Variants in ETF1 observed in about 807,000 individuals in gnomAD.
ETF1 encodes the protein eukaryotic translation termination factor 1, also known as eukaryotic peptide chain release factor subunit 1.
In ETF1, 4 loss-of-function variants were observed where a neutral mutation model predicts 55.1. The observed-to-expected ratio is 0.07, with a 90% CI of 0.04 to 0.17. The LOEUF is 0.17. Ranked by LOEUF, ETF1 falls within the 10% of genes least tolerant of loss-of-function variation. The pLI, the probability that ETF1 is intolerant of heterozygous loss-of-function variation, is 1.00. For synonymous variants in ETF1, 157 were observed against 182.3 expected (o/e 0.86, Z 1.12); for missense variants, 142 against 523.6 (o/e 0.27, Z 7.11).
chr5:138,523,130 G>A (rs963410114), intron 2 of ETF1, among the ~76,000 whole-genome samples: 18 of 151,848 alleles, frequency 1.2e-4, no homozygotes, highest in Non-Finnish European at 2.4e-4. Context: ...GCATTTCGGG[G>A]GGCCAAGGTG....
intron 2 of ETF1, among the ~76,000 whole-genome samples, chr5:138,532,215 A>AT (rs1765731697): frequency 6.6e-6 from 1 of 152,020 alleles, no homozygotes; most frequent in Admixed American, 6.6e-5. Flanking sequence ...TGTGTTTTCC[A>AT]TTTTTCTTCT....
In ETF1 at chr5:138,513,318, G is replaced by A. The variant is rs138110749; in HGVS notation, c.541+250C>T. 2.0e-3 allele frequency: 1,118 copies of A among 554,128 alleles called. 19 individuals are homozygous for A. In the African/African-American group the frequency reaches 0.02, roughly 10 times the overall value. 34.3% of individuals were successfully genotyped at this position (554,128 alleles called of 1,614,324 possible). A position where few individuals can be genotyped will look rare whatever the true frequency, so the allele number is the denominator to read the frequency against. On this transcript the variant is annotated intron_variant, in intron 5 of 10. Transcript: ENST00000360541. ...GCAATCTTGGCTCAATGCAACCTCC[G>A]TCTCCCGGGTTCAAGCAATTCTCCT...
At chr5:138,515,460 T>C (rs1764980196) in intron 4 of ETF1, among the ~76,000 whole-genome samples, 1 of 152,080 alleles carries the variant, frequency 6.6e-6, no homozygotes, top group Non-Finnish European at 1.5e-5. Flanking sequence ...AAGACATGAA[T>C]ATGAATATTG....
At position 138,540,045 on chromosome 5, in the gene ETF1, T is replaced by C. The variant is rs190784816; in HGVS notation, c.86+2788A>G. Among the ~76,000 whole-genome samples the C allele has an allele frequency of 3.8e-4, 58 of 152,340 alleles. 1 individual carries two copies. Among genetic ancestry groups the C allele is most frequent in the African/African-American group, 1.4e-3 (57 of 41,586 alleles). Reference sequence around the variant, plus strand: ...CAACATACTTCCCTTTATTCAGATGTAGTTAGTGAGCCCATTTTGCAGGTG... The same window carrying C: ...CAACATACTTCCCTTTATTCAGATGCAGTTAGTGAGCCCATTTTGCAGGTG... On this transcript the variant is annotated intron_variant, in intron 2 of 10. Transcript: ENST00000360541.
chr5:138,542,958 C>G, intron 1 of ETF1, 22 bp from the exon 2 acceptor site: 1 of 1,608,986 alleles, frequency 6.2e-7, no homozygotes, highest in Non-Finnish European at 8.5e-7. Flanking sequence ...CGGCGGGGCC[C>G]GGAGACACCA....
chr5:138,529,856 T>C (rs1765623121), intron 2 of ETF1: 1 of 235,818 alleles, frequency 4.2e-6, no homozygotes, highest in African/African-American at 2.3e-5. Context: ...TGGGTTCAAG[T>C]GATCCTCCCA....
rs1489964914 is a variant in ETF1, at chr5:138,543,228, G to A, written c.-150C>T. ...ATGTGTTGCAATCCGCTCACATGGGGCCTGTGACATCACTTCCTCCGCCAG... is the reference window on the plus strand; with the variant it reads ...ATGTGTTGCAATCCGCTCACATGGGACCTGTGACATCACTTCCTCCGCCAG... On this transcript the variant is annotated 5_prime_UTR_variant, in exon 1 of 11. Coordinates refer to ENST00000360541, the MANE Select transcript of ETF1 (RefSeq NM_004730.4). 2.3e-6 allele frequency: 1 copy of A among 441,856 alleles called. No homozygotes were observed. The highest frequency in any genetic ancestry group is 4.0e-6 in the Non-Finnish European group (1 of 248,596). 27.4% of individuals were successfully genotyped at this position (441,856 alleles called of 1,614,324 possible).
chr5:138,522,803 G>A (rs13165802), intron 2 of ETF1, among the ~76,000 whole-genome samples: 66,347 of 151,818 alleles, frequency 0.44, 16,186 homozygotes, highest in Non-Finnish European at 0.53. Flanking sequence ...TCAGGAGATC[G>A]AGATCATCCT....
At chr5:138,511,288 A>G (rs1764764886) in intron 7 of ETF1, 88 bp from the exon 8 acceptor site, 2 of 1,548,748 alleles carry the variant, frequency 1.3e-6, no homozygotes, top group African/African-American at 2.8e-5. Flanking sequence ...ACTAAAGAAG[A>G]TAAAAAATAA....
chr5:138,512,246 ATATATATATATATTTTTTT>A lies in ETF1; in HGVS notation c.732+499_732+517del, dbSNP rs1184867201. Among the ~76,000 whole-genome samples the A allele has an allele frequency of 4.3e-4, 4 of 9,318 alleles. 1 individual carries two copies. The highest frequency in any genetic ancestry group is 0.012 in the East Asian group (2 of 170). 6.1% of individuals were successfully genotyped at this position (9,318 alleles called of 152,430 possible). On this transcript the variant is annotated intron_variant, in intron 6 of 10. Coordinates refer to ENST00000360541, the MANE Select transcript of ETF1 (RefSeq NM_004730.4). ...AAAAAATATATATATATATATATATATATATATATATATTTTTTTTTTTTTTTAAAGGCAATTTCTTTGG... is the reference window on the plus strand; with the variant it reads ...AAAAAATATATATATATATATATATATTTTTTTTAAAGGCAATTTCTTTGG...
In ETF1 at chr5:138,506,531, C is replaced by T. The variant is rs562353443; in HGVS notation, c.*1774G>A. 2.6e-4 allele frequency: 39 copies of T among 152,656 alleles called. No homozygotes were observed. Among genetic ancestry groups the T allele is most frequent in the Non-Finnish European group, 4.4e-4 (30 of 68,042 alleles). 9.5% of individuals were successfully genotyped at this position (152,656 alleles called of 1,614,324 possible). ...CTGCTGTGAAGAGAGCATGTTTGCT[C>T]GCTCTTGGGTGTTCTGCAAACAAAT... On this transcript the variant is annotated 3_prime_UTR_variant, in exon 11 of 11. Transcript: ENST00000360541.
chr5:138,542,501 C>A (rs1014015878), intron 2 of ETF1: 1 of 600,658 alleles, frequency 1.7e-6, no homozygotes, highest in African/African-American at 2.0e-5. Context: ...CAATAGCACC[C>A]GAGTCGGGTG....
At chr5:138,514,425 C>T (rs1764933287) in intron 4 of ETF1, among the ~76,000 whole-genome samples, 1 of 152,090 alleles carries the variant, frequency 6.6e-6, no homozygotes, top group Non-Finnish European at 1.5e-5. Context: ...TGTGGTGACA[C>T]GTGCCTGTAG....
Position 138,531,413 on chromosome 5 carries a change from C to A in ETF1, c.86+11420G>T, listed in dbSNP as rs368292322. 4.6e-5 allele frequency among the ~76,000 whole-genome samples: 7 copies of A among 152,192 alleles called. No homozygotes were observed. The South Asian group carries it at 1.0e-3, about 23-fold the overall frequency. ...CAGCACAAAAACAAAAATCAAAAAA[C>A]CCCCAAAACCTAAGACAACCTAGCT... On this transcript the variant is annotated intron_variant, in intron 2 of 10. Coordinates refer to ENST00000360541, the MANE Select transcript of ETF1 (RefSeq NM_004730.4).
At chr5:138,510,775 T>C (rs1356146793) in intron 8 of ETF1, 146 bp from the exon 9 acceptor site, 7 of 1,203,718 alleles carry the variant, frequency 5.8e-6, no homozygotes, top group African/African-American at 1.5e-5. Context: ...ATACACTGAG[T>C]GTCTACTAGG....
chr5:138,508,586 C>T, intron 10 of ETF1, 83 bp downstream of exon 10: 1 of 1,576,958 alleles, frequency 6.3e-7, no homozygotes, highest in Non-Finnish European at 8.6e-7. Flanking sequence ...AAGCACCTCA[C>T]CGGAAGCAGG....
chr5:138,537,021 G>A (rs1765965157), intron 2 of ETF1, among the ~76,000 whole-genome samples: 1 of 152,150 alleles, frequency 6.6e-6, no homozygotes, highest in Non-Finnish European at 1.5e-5. Context: ...TATTACAATA[G>A]GAGGTCTGTC....
At chr5:138,524,823 G>T (rs549834317) in intron 2 of ETF1, among the ~76,000 whole-genome samples, 1 of 151,840 alleles carries the variant, frequency 6.6e-6, no homozygotes, top group Non-Finnish European at 1.5e-5. Context: ...TGATCCGCCC[G>T]CCTTGGCCTC....
At chr5:138,511,238 GT>G in intron 7 of ETF1, 38 bp from the exon 8 acceptor site, 1 of 1,604,602 alleles carries the variant, frequency 6.2e-7, no homozygotes, top group African/African-American at 1.3e-5. Context: ...ATATATTAAA[GT>G]TTCCCTAGTA....
Sources: allele counts gnomAD v4.1 joint callset (sites outside exome capture counted in the v4.1 genomes callset), GRCh38; gene constraint gnomAD v4.1.1; transcripts MANE v1.5; gene names NCBI Gene and HGNC (gene_info 2026-07-23, HGNC 2026-07-21).